The following TMEM230 variants were observed in gnomAD, a reference collection of about 807,000 sequenced individuals.
The protein encoded by TMEM230 is UPF0414 transmembrane protein C20orf30.
A neutral mutation model predicts 15.8 loss-of-function variants in TMEM230; 10 were observed. That is an observed-to-expected ratio of 0.63 (90% CI 0.39 to 1.07). The LOEUF is 1.07. Among genes scored for constraint, TMEM230 ranks in the 50% least tolerant of loss-of-function variants. The pLI, the probability that TMEM230 is intolerant of heterozygous loss-of-function variation, is 0.01. For missense variants in TMEM230, 165 were observed against 193.3 expected (o/e 0.85, Z 0.87); for synonymous variants, 67 against 76.9 (o/e 0.87, Z 0.68).
At chr20:5,059,888 T>C in the TMEM230 span, among the ~76,000 whole-genome samples, 1 of 132,874 alleles carries the variant, frequency 7.5e-6, no homozygotes, top group African/African-American at 2.9e-5. Flanking sequence ...CAAGCAGTTC[T>C]CCTGCGTCAG....
In TMEM230 at chr20:5,085,106, T is replaced by C. The variant is rs370189585; in HGVS notation, c.223-15757A>G. On this transcript the variant is annotated intron_variant, in intron 3 of 3. Transcript: ENST00000612323. ...TGTTACCTGAAAGTTTATCCCTGAATCCAGAATTTCATCTGAAGGCTGTAT... is the reference window on the plus strand; with the variant it reads ...TGTTACCTGAAAGTTTATCCCTGAACCCAGAATTTCATCTGAAGGCTGTAT... 3.0e-4 allele frequency among the ~76,000 whole-genome samples: 46 copies of C among 152,286 alleles called. 1 individual carries two copies. In the South Asian group the frequency reaches 3.9e-3, roughly 13 times the overall value.
intron 4 of TMEM230, among the ~76,000 whole-genome samples, chr20:5,105,484 G>A (rs2090038330): frequency 1.3e-5 from 2 of 151,016 alleles, no homozygotes; most frequent in Non-Finnish European, 2.9e-5. Context: ...CCAGCTACTC[G>A]GGAGGCTGAG....
downstream of TMEM230, among the ~76,000 whole-genome samples, chr20:5,096,135 G>A (rs1411866406): frequency 2.0e-5 from 3 of 152,228 alleles, no homozygotes; most frequent in Non-Finnish European, 4.4e-5. Flanking sequence ...TGGCTCTGGG[G>A]TGGTTCTGCC....
chr20:5,070,393 A>T (rs1270999027), intron 3 of TMEM230, among the ~76,000 whole-genome samples: 2 of 152,182 alleles, frequency 1.3e-5, no homozygotes, highest in Non-Finnish European at 2.9e-5. Context: ...AGCCCAGTGA[A>T]CTCGCAGAAC....
chr20:5,081,873 C>CTTTTTTTTT (rs10547417), intron 3 of TMEM230, among the ~76,000 whole-genome samples: 25 of 43,798 alleles, frequency 5.7e-4, no homozygotes, highest in Admixed American at 1.2e-3. Flanking sequence ...TCTTTTTTTT[C>CTTTTTTTTT]TTTTTTTTTT....
intron 4 of TMEM230, among the ~76,000 whole-genome samples, chr20:5,105,284 T>C (rs1342506487): frequency 6.6e-6 from 1 of 151,946 alleles, no homozygotes; most frequent in African/African-American, 2.4e-5. Context: ...AGACTCTGTC[T>C]CCAAAATATA....
downstream of TMEM230, chr20:5,067,267 C>T (rs1231886035): frequency 1.3e-5 from 2 of 151,220 alleles, no homozygotes; most frequent in Non-Finnish European, 2.9e-5. Flanking sequence ...CCCAGTATGT[C>T]CAGGCTACTC....
chr20:5,078,941 C>T (rs1044152759), intron 3 of TMEM230, among the ~76,000 whole-genome samples: 2 of 151,960 alleles, frequency 1.3e-5, no homozygotes, highest in African/African-American at 4.8e-5. Flanking sequence ...AAGCATGCAC[C>T]AATGGGCCCA....
chr20:5,077,887 TA>T lies in TMEM230; in HGVS notation c.223-8539del, dbSNP rs373837320. Among the ~76,000 whole-genome samples, 387 of 152,160 alleles carry T rather than the reference TA, an allele frequency of 2.5e-3. 3 individuals are homozygous for T. The highest frequency in any genetic ancestry group is 9.0e-3 in the African/African-American group (372 of 41,502). ...TCCATCTTACTAGGGGAAATACTTG[TA>T]AGTAAGATAAATTTGTGAAATATAT... On this transcript the variant is annotated intron_variant, in intron 3 of 3. Transcript: ENST00000612323.
intron 3 of TMEM230, among the ~76,000 whole-genome samples, chr20:5,094,668 C>T (rs183791761): frequency 1.1e-4 from 15 of 135,484 alleles, no homozygotes; most frequent in African/African-American, 3.9e-4. Flanking sequence ...GATCCCGCCA[C>T]GGCACTCCAG....
intron 3 of TMEM230, among the ~76,000 whole-genome samples, chr20:5,093,861 T>G (rs192673990): frequency 6.6e-6 from 1 of 151,822 alleles, no homozygotes; most frequent in Admixed American, 6.6e-5. Context: ...TTATCAAAGC[T>G]ATATAAAATG....
At chr20:5,101,083 AT>A in intron 4 of TMEM230, 152 bp from the exon 4 acceptor site, 2 of 983,536 alleles carry the variant, frequency 2.0e-6, no homozygotes, top group Non-Finnish European at 2.8e-6. Flanking sequence ...TTTCCTCCTG[AT>A]TATAAATTGA....
intron 3 of TMEM230, among the ~76,000 whole-genome samples, chr20:5,108,273 G>A (rs1360567463): frequency 6.6e-6 from 1 of 152,014 alleles, no homozygotes; most frequent in Non-Finnish European, 1.5e-5. Flanking sequence ...TACAAAATTA[G>A]CTGGGCGTGG....
chr20:5,078,642 A>AACAAGGGAAATTACGC (rs541772329), intron 3 of TMEM230, among the ~76,000 whole-genome samples: 2,623 of 152,310 alleles, frequency 0.017, 77 homozygotes, highest in African/African-American at 0.059. Context: ...GGGAAAGTGA[A>AACAAGGGAAATTACGC]ACTGGCGGTT....
chr20:5,090,051 A>G (rs1299073457), intron 3 of TMEM230, among the ~76,000 whole-genome samples: 1 of 152,144 alleles, frequency 6.6e-6, no homozygotes, highest in African/African-American at 2.4e-5. Context: ...GAGGAGTTGA[A>G]AGAAAAAAAC....
chr20:5,091,327 T>C (rs914394379), intron 3 of TMEM230, among the ~76,000 whole-genome samples: 7 of 152,102 alleles, frequency 4.6e-5, no homozygotes, highest in African/African-American at 1.7e-4. Flanking sequence ...TCTCCTGCCT[T>C]GGCCTTCCAA....
chr20:5,086,808 T>C (rs1314206807), intron 3 of TMEM230, among the ~76,000 whole-genome samples: 1 of 151,858 alleles, frequency 6.6e-6, no homozygotes, highest in African/African-American at 2.4e-5. Context: ...CAAGCAATCC[T>C]CCCACCTCAG....
At chr20:5,109,064 T>C (rs772698799) in intron 3 of TMEM230, 22 of 245,726 alleles carry the variant, frequency 9.0e-5, no homozygotes, top group Non-Finnish European at 1.5e-4. Flanking sequence ...GATTAGTTTC[T>C]GAATAAAGTA....
downstream of TMEM230, among the ~76,000 whole-genome samples, chr20:5,097,429 A>G (rs1184158304): frequency 6.6e-6 from 1 of 152,226 alleles, no homozygotes; most frequent in Non-Finnish European, 1.5e-5. Flanking sequence ...CATCCTTTAA[A>G]AAAGTTAGGA....
Sources: allele counts gnomAD v4.1 joint callset (sites outside exome capture counted in the v4.1 genomes callset), GRCh38; gene constraint gnomAD v4.1.1; transcripts MANE v1.5; gene names NCBI Gene and HGNC (gene_info 2026-07-23, HGNC 2026-07-21).